FAM227B: variants seen among roughly 807,000 people sequenced by gnomAD.
FAM227B encodes protein FAM227B.
A neutral mutation model predicts 73.8 loss-of-function variants in FAM227B; 88 were observed. That is an observed-to-expected ratio of 1.19 (90% CI 1.00 to 1.42). The LOEUF is 1.42. FAM227B is among the 40% of genes most tolerant of loss of function. The pLI, the probability that FAM227B is intolerant of heterozygous loss-of-function variation, is 0.00. For missense variants in FAM227B, 632 were observed against 590.9 expected, an observed-to-expected ratio of 1.07 and a Z score of -0.72; for synonymous variants, 210 against 190.5, an observed-to-expected ratio of 1.10 and a Z score of -0.84.
chr15:49,422,163 TGCGCGC>T (rs5812485), intron 11 of FAM227B, among the ~76,000 whole-genome samples: 12 of 147,526 alleles, frequency 8.1e-5, no homozygotes, highest in Non-Finnish European at 1.5e-4. Context: ...TGTGTGTGTG[TGCGCGC>T]GCGCGCGCGT....
chr15:49,519,071 C>A (rs1469992749), intron 10 of FAM227B, among the ~76,000 whole-genome samples: 2 of 152,244 alleles, frequency 1.3e-5, no homozygotes, highest in African/African-American at 4.8e-5. Context: ...AGGCCCCATG[C>A]AAGTCTGAAA....
intron 4 of FAM227B, among the ~76,000 whole-genome samples, chr15:49,588,362 T>G (rs2076299758): frequency 6.6e-6 from 1 of 150,820 alleles, no homozygotes. Context: ...TGTCAATCCC[T>G]TCTCCTAAAA....
chr15:49,515,123 G>T (rs762524203), intron 10 of FAM227B, among the ~76,000 whole-genome samples: 2 of 152,022 alleles, frequency 1.3e-5, no homozygotes, highest in African/African-American at 4.8e-5. Context: ...CTGACAGTTT[G>T]AGGTTGTCTT....
chr15:49,357,419 C>T (rs1293319625), intron 13 of FAM227B, among the ~76,000 whole-genome samples: 3 of 151,124 alleles, frequency 2.0e-5, no homozygotes, highest in Non-Finnish European at 4.4e-5. Flanking sequence ...ACCGATCCCA[C>T]AGAAATACAA....
At chr15:49,542,419 A>G (rs2071203832) in intron 9 of FAM227B, among the ~76,000 whole-genome samples, 2 of 152,024 alleles carry the variant, frequency 1.3e-5, no homozygotes, top group Admixed American at 1.3e-4. Flanking sequence ...ATTTTGGTGC[A>G]CTCGCCACCT....
intron 11 of FAM227B, among the ~76,000 whole-genome samples, chr15:49,379,638 T>C (rs1039320239): frequency 6.6e-6 from 1 of 152,216 alleles, no homozygotes; most frequent in Admixed American, 6.5e-5. Flanking sequence ...TTTTCATTTC[T>C]AATTTTATTT....
chr15:49,466,417 A>C (rs2054272797), intron 11 of FAM227B, among the ~76,000 whole-genome samples: 1 of 152,336 alleles, frequency 6.6e-6, no homozygotes, highest in African/African-American at 2.4e-5. Context: ...GTTTGAAGTC[A>C]AAGGATCTTC....
chr15:49,346,243 C>T (rs757713910), intron 13 of FAM227B, among the ~76,000 whole-genome samples: 2 of 152,134 alleles, frequency 1.3e-5, no homozygotes, highest in African/African-American at 2.4e-5. Context: ...GCTGGGCCTG[C>T]GCAAGTGCGC....
rs184395255 is a variant in FAM227B at position 49,477,169 on chromosome 15, C to G, written c.1012+31042G>C. ...TTGCACTAATGTGGCACATTTATTA[C>G]AACAGATGAGCCAATATTTATTTAT... On this transcript the variant is annotated intron_variant, in intron 11 of 15. Coordinates refer to ENST00000299338, the MANE Select transcript of FAM227B (RefSeq NM_152647.3). Among the ~76,000 whole-genome samples, 173 of 152,140 alleles carry G rather than the reference C, an allele frequency of 1.1e-3. 3 individuals carry two copies. The highest frequency in any genetic ancestry group is 9.9e-3 in the Admixed American group (151 of 15,290).
chr15:49,525,669 T>C (rs1050375930), intron 10 of FAM227B, among the ~76,000 whole-genome samples: 689 of 4,442 alleles, frequency 0.16, 35 homozygotes, highest in Non-Finnish European at 0.29. Context: ...TGGAGAAATA[T>C]ATATATATAT....
intron 13 of FAM227B, among the ~76,000 whole-genome samples, chr15:49,363,836 T>A (rs1335925585): frequency 6.6e-6 from 1 of 152,166 alleles, no homozygotes; most frequent in Non-Finnish European, 1.5e-5. Context: ...GGATGTTGAA[T>A]TGTATCAAAA....
At chr15:49,345,555 T>TA (rs1385545449) in intron 13 of FAM227B, among the ~76,000 whole-genome samples, 1 of 152,240 alleles carries the variant, frequency 6.6e-6, no homozygotes, top group African/African-American at 2.4e-5. Context: ...TTATGAACAA[T>TA]GGTTATATTC....
At chr15:49,543,406 T>C (rs571372820) in intron 9 of FAM227B, among the ~76,000 whole-genome samples, 2 of 152,352 alleles carry the variant, frequency 1.3e-5, no homozygotes, top group African/African-American at 4.8e-5. Context: ...TTCTGGATAT[T>C]AGTCCTTTGT....
At chr15:49,418,879 C>G (rs1018759233) in intron 11 of FAM227B, among the ~76,000 whole-genome samples, 3 of 152,014 alleles carry the variant, frequency 2.0e-5, no homozygotes, top group African/African-American at 7.2e-5. Context: ...ATCAACCTAG[C>G]TTTAATTTTG....
At chr15:49,340,721 G>A (rs890968915) in intron 13 of FAM227B, among the ~76,000 whole-genome samples, 13 of 152,048 alleles carry the variant, frequency 8.5e-5, no homozygotes, top group African/African-American at 3.1e-4. Context: ...ATTGTTTATT[G>A]ACTACGTTGA....
chr15:49,551,256 T>TGAGGGAGAGGGAGAGGGAGAGGGA (rs113214972), intron 9 of FAM227B, among the ~76,000 whole-genome samples: 1 of 151,596 alleles, frequency 6.6e-6, no homozygotes. Flanking sequence ...TGGCTCAGCA[T>TGAGGGAGAGGGAGAGGGAGAGGGA]GAGGGAGAGG....
intron 3 of FAM227B, among the ~76,000 whole-genome samples, chr15:49,591,362 A>ACCCC (rs1567656618): frequency 2.0e-5 from 2 of 102,410 alleles, no homozygotes; most frequent in East Asian, 3.3e-4. Flanking sequence ...GAGCCACCAC[A>ACCCC]CCCTCCCTCC....
intron 5 of FAM227B, among the ~76,000 whole-genome samples, chr15:49,585,320 G>A (rs1254287211): frequency 6.6e-6 from 1 of 152,186 alleles, no homozygotes; most frequent in Non-Finnish European, 1.5e-5. Context: ...AATACCATTT[G>A]ACCCAGCCAT....
At chr15:49,424,835 A>G in intron 11 of FAM227B, 1 of 278,812 alleles carries the variant, frequency 3.6e-6, no homozygotes. Context: ...TTGTCCTGAA[A>G]ATGCTCATAA....
Sources: gnomAD v4.1 joint callset for allele counts (sites outside exome capture counted in the v4.1 genomes callset) on GRCh38, gnomAD v4.1.1 for gene constraint, MANE v1.5 for transcripts, NCBI Gene and HGNC (gene_info 2026-07-23, HGNC 2026-07-21) for gene names.